ENTREP2: variants seen among roughly 807,000 people sequenced by gnomAD.
ENTREP2 encodes endosomal transmembrane epsin interactor 2.
the ENTREP2 span, among the ~76,000 whole-genome samples, chr15:29,514,538 C>T: frequency 2.6e-5 from 4 of 152,180 alleles, no homozygotes; most frequent in Non-Finnish European, 2.9e-5. Flanking sequence ...AACATCTGTT[C>T]GATTCCCTGC....
At chr15:29,366,190 C>T in the ENTREP2 span, among the ~76,000 whole-genome samples, 1 of 152,196 alleles carries the variant, frequency 6.6e-6, no homozygotes, top group East Asian at 1.9e-4. Context: ...TCTCCTGCCT[C>T]AGCCTCCTGA....
the ENTREP2 span, among the ~76,000 whole-genome samples, chr15:29,591,623 G>A: frequency 6.6e-6 from 1 of 152,038 alleles, no homozygotes; most frequent in African/African-American, 2.4e-5. Context: ...GCTGGGTGCG[G>A]TGGTTCACAC....
chr15:29,182,723 T>C, the ENTREP2 span, among the ~76,000 whole-genome samples: 2 of 151,948 alleles, frequency 1.3e-5, no homozygotes, highest in Non-Finnish European at 2.9e-5. Context: ...GGAATGAGAA[T>C]GGCCAAGACA....
chr15:29,185,530 G>T, the ENTREP2 span, among the ~76,000 whole-genome samples: 1 of 152,048 alleles, frequency 6.6e-6, no homozygotes, highest in Admixed American at 6.6e-5. Context: ...CCATTTTTAG[G>T]TATTCTTTTC....
chr15:29,588,661 A>C, the ENTREP2 span, among the ~76,000 whole-genome samples: 2 of 152,138 alleles, frequency 1.3e-5, no homozygotes, highest in South Asian at 2.1e-4. Flanking sequence ...AAACCTGTAC[A>C]TTAAAAGAGA....
chr15:29,532,513 C>T, the ENTREP2 span, among the ~76,000 whole-genome samples: 1 of 152,092 alleles, frequency 6.6e-6, no homozygotes, highest in African/African-American at 2.4e-5. Flanking sequence ...AATTACAACA[C>T]CAGCTGTTCT....
the ENTREP2 span, among the ~76,000 whole-genome samples, chr15:29,229,070 T>A: frequency 6.6e-6 from 1 of 152,230 alleles, no homozygotes; most frequent in East Asian, 1.9e-4. Flanking sequence ...ACATATAAAA[T>A]CACCTGGGCA....
chr15:29,302,498 A>G, the ENTREP2 span, among the ~76,000 whole-genome samples: 10 of 152,314 alleles, frequency 6.6e-5, no homozygotes, highest in Non-Finnish European at 1.0e-4. Context: ...GAAAGTTGAT[A>G]AAGTTTAAGT....
chr15:29,165,358 A>C, the ENTREP2 span, among the ~76,000 whole-genome samples: 1 of 152,142 alleles, frequency 6.6e-6, no homozygotes, highest in Non-Finnish European at 1.5e-5. Context: ...ACAAACAAAC[A>C]AACAAAAATA....
At chr15:29,453,331 G>A in the ENTREP2 span, among the ~76,000 whole-genome samples, 1 of 152,220 alleles carries the variant, frequency 6.6e-6, no homozygotes, top group Non-Finnish European at 1.5e-5. Context: ...GAGGGGAGGA[G>A]GACTGTGCCT....
chr15:29,674,544 A>C, the ENTREP2 span, among the ~76,000 whole-genome samples: 1 of 152,130 alleles, frequency 6.6e-6, no homozygotes, highest in African/African-American at 2.4e-5. Context: ...CCGGGATTAC[A>C]GGCGTGAGCC....
the ENTREP2 span, among the ~76,000 whole-genome samples, chr15:29,289,099 C>G: frequency 6.6e-6 from 1 of 151,440 alleles, no homozygotes; most frequent in Admixed American, 6.6e-5. Context: ...CCCAGCTACT[C>G]TGAAGGCTGA....
chr15:29,354,795 T>C, the ENTREP2 span, among the ~76,000 whole-genome samples: 1 of 152,034 alleles, frequency 6.6e-6, no homozygotes, highest in Non-Finnish European at 1.5e-5. Flanking sequence ...GCACTGGAAA[T>C]AGTTAAGACC....
the ENTREP2 span, among the ~76,000 whole-genome samples, chr15:29,335,652 G>GGAAATACGGGCTCTTCTGATTCA: frequency 6.6e-6 from 1 of 152,128 alleles, no homozygotes. Context: ...TGATTCAGTA[G>GGAAATACGGGCTCTTCTGATTCA]GGCCAGGGGT....
the ENTREP2 span, among the ~76,000 whole-genome samples, chr15:29,581,791 C>T: frequency 3.1e-4 from 47 of 151,508 alleles, no homozygotes; most frequent in East Asian, 2.7e-3. Flanking sequence ...TAAAATAATC[C>T]GGGAAAAGAA....
the ENTREP2 span, among the ~76,000 whole-genome samples, chr15:29,614,596 A>T: frequency 6.6e-6 from 1 of 152,124 alleles, no homozygotes; most frequent in African/African-American, 2.4e-5. Context: ...CCCTCCTCCC[A>T]TCTGCCCAAT....
chr15:29,581,659 C>T, the ENTREP2 span, among the ~76,000 whole-genome samples: 1 of 151,766 alleles, frequency 6.6e-6, no homozygotes, highest in Admixed American at 6.6e-5. Context: ...AAATTCTCCC[C>T]AAATTTCCTG....
At chr15:29,205,427 G>A in the ENTREP2 span, among the ~76,000 whole-genome samples, 8 of 152,092 alleles carry the variant, frequency 5.3e-5, no homozygotes, top group African/African-American at 1.2e-4. Flanking sequence ...GCCATTTTAC[G>A]TTCCACCAAG....
chr15:29,237,723 T>C, the ENTREP2 span, among the ~76,000 whole-genome samples: 1 of 152,170 alleles, frequency 6.6e-6, no homozygotes, highest in African/African-American at 2.4e-5. Flanking sequence ...TGTACAATGG[T>C]GCAGCTGCTC....
Sources: allele counts gnomAD v4.1 joint callset (sites outside exome capture counted in the v4.1 genomes callset), GRCh38; gene constraint gnomAD v4.1.1; transcripts MANE v1.5; gene names NCBI Gene and HGNC (gene_info 2026-07-23, HGNC 2026-07-21).